MTPN: variants seen among roughly 807,000 people sequenced by gnomAD.
MTPN encodes myotrophin, also known as granule cell differentiation protein.
A neutral mutation model predicts 13.5 loss-of-function variants in MTPN; 2 were observed. The observed-to-expected ratio is 0.15, with a 90% CI of 0.06 to 0.47. The LOEUF (loss-of-function observed/expected upper bound fraction) is 0.47, where lower values mean the gene tolerates loss of function less well. Among genes scored for constraint, MTPN ranks in the 20% least tolerant of loss-of-function variants. MTPN has a pLI of 0.97. For synonymous variants in MTPN, 46 were observed against 51.7 expected, an observed-to-expected ratio of 0.89 and a Z score of 0.48; for missense variants, 79 against 137.9, an observed-to-expected ratio of 0.57 and a Z score of 2.14.
Position 135,977,149 on chromosome 7 carries a change from T to C in MTPN, c.-49A>G. 6.3e-7 allele frequency: 1 copy of C among 1,594,828 alleles called. No individual in the cohort carries two copies. Among genetic ancestry groups the C allele is most frequent in the Non-Finnish European group, 8.6e-7 (1 of 1,163,494 alleles). ...GGCCGGGCAGAAGATGAGGAGGCGGTGGCAGCAGCAAGCGGATGCCGCCGG... is the reference window on the plus strand; with the variant it reads ...GGCCGGGCAGAAGATGAGGAGGCGGCGGCAGCAGCAAGCGGATGCCGCCGG... On this transcript the variant is annotated 5_prime_UTR_variant, in exon 1 of 4. Transcript: ENST00000393085.
chr7:135,970,893 G>GA, intron 1 of MTPN, among the ~76,000 whole-genome samples: 1 of 151,958 alleles, frequency 6.6e-6, no homozygotes, highest in East Asian at 1.9e-4. Flanking sequence ...CCCTTCTGTA[G>GA]AAAGGGCAAC....
intron 1 of MTPN, among the ~76,000 whole-genome samples, chr7:135,975,896 A>G (rs1799766267): frequency 6.6e-6 from 1 of 152,236 alleles, no homozygotes; most frequent in South Asian, 2.1e-4. Context: ...TGCCTTGCAC[A>G]ATCCTGTAAG....
chr7:135,953,209 T>C (rs1799391392), intron 1 of MTPN, among the ~76,000 whole-genome samples: 1 of 152,218 alleles, frequency 6.6e-6, no homozygotes, highest in African/African-American at 2.4e-5. Flanking sequence ...AATTTAAGAT[T>C]TACTTTGTCT....
chr7:135,939,426 G>A lies in MTPN; in HGVS notation c.271-9414C>T, dbSNP rs76803300. The stretch of plus-strand genomic sequence containing the variant: ...CCTCTACTACAGAGGTTGAAAATAA[G>A]TGAAATCCTCAGACTCCCTTAAAGC... On this transcript the variant is annotated intron_variant, in intron 3 of 3. Coordinates refer to ENST00000393085, the MANE Select transcript of MTPN (RefSeq NM_145808.4). Among the ~76,000 whole-genome samples, 1,193 of 152,122 alleles carry A rather than the reference G, an allele frequency of 7.8e-3. 10 individuals are homozygous for A. The highest frequency in any genetic ancestry group is 0.028 in the African/African-American group (1,157 of 41,478).
chr7:135,958,549 G>C (rs1353287142), intron 1 of MTPN, among the ~76,000 whole-genome samples: 2 of 152,118 alleles, frequency 1.3e-5, no homozygotes, highest in Non-Finnish European at 2.9e-5. Context: ...TATCTCTAAT[G>C]AAAGGCAATT....
intron 1 of MTPN, among the ~76,000 whole-genome samples, chr7:135,966,312 C>T (rs1182125176): frequency 1.3e-5 from 2 of 152,056 alleles, no homozygotes; most frequent in Admixed American, 6.6e-5. Context: ...CCTTAGCCTA[C>T]CATTGGGCAA....
chr7:135,934,066 A>C (rs71539477), intron 3 of MTPN, among the ~76,000 whole-genome samples: 2,456 of 152,216 alleles, frequency 0.016, 32 homozygotes, highest in African/African-American at 0.037. Flanking sequence ...AGCGTGAGGA[A>C]CTGTGAGTGA....
At chr7:135,930,584 G>A (rs923437448) in intron 3 of MTPN, among the ~76,000 whole-genome samples, 1 of 152,122 alleles carries the variant, frequency 6.6e-6, no homozygotes, top group African/African-American at 2.4e-5. Context: ...TGCTCTGAAC[G>A]CTTAACTTGG....
Position 135,975,117 on chromosome 7 carries a change from C to T in MTPN, c.72+1912G>A, listed in dbSNP as rs1421880979. Among the ~76,000 whole-genome samples the T allele has an allele frequency of 9.2e-5, 14 of 152,062 alleles. No homozygotes were observed. The South Asian group carries it at 1.0e-3, about 11-fold the overall frequency. On this transcript the variant is annotated intron_variant, in intron 1 of 3. Transcript: ENST00000393085. Reference sequence around the variant, plus strand: ...TTTTACATTAATGAAGAACAGGCTACGGTAGTAATATAGGGAAAATAATCA... The same window carrying T: ...TTTTACATTAATGAAGAACAGGCTATGGTAGTAATATAGGGAAAATAATCA...
chr7:135,950,511 G>T, intron 3 of MTPN, 88 bp downstream of exon 3: 1 of 1,081,528 alleles, frequency 9.2e-7, no homozygotes, highest in Non-Finnish European at 1.4e-6. Flanking sequence ...TGTCCCTGCT[G>T]CCACACAAAA....
intron 3 of MTPN, among the ~76,000 whole-genome samples, chr7:135,948,624 G>A (rs1405108159): frequency 2.0e-5 from 3 of 152,090 alleles, no homozygotes; most frequent in Admixed American, 6.6e-5. Flanking sequence ...CTTTAACAAC[G>A]GAAACTTACA....
In MTPN at chr7:135,958,623, T is replaced by C. The variant is rs757597136; in HGVS notation, c.73-6993A>G. On this transcript the variant is annotated intron_variant, in intron 1 of 3. Transcript: ENST00000393085. ...TGGAAAATTCACTGTTTACTAGTTA[T>C]GGTTCTATCTCTTGCAGACACATGG... is the stretch of plus-strand genomic sequence containing the variant. Among the ~76,000 whole-genome samples the C allele has an allele frequency of 2.0e-4, 30 of 152,224 alleles. 1 individual carries two copies. The highest frequency in any genetic ancestry group is 1.5e-5 in the Non-Finnish European group (1 of 68,026).
In MTPN at chr7:135,927,953, G is replaced by A; in HGVS notation, c.*1973C>T. On this transcript the variant is annotated 3_prime_UTR_variant, in exon 4 of 4. Transcript: ENST00000393085. The stretch of plus-strand genomic sequence containing the variant: ...AAGTAAAGGTGAAAATTATATAAAG[G>A]GAAAAATTCAAGCCTTTAAATAGCA... The A allele has an allele frequency of 3.4e-6, 1 of 290,916 alleles. No homozygotes were observed. Among genetic ancestry groups the A allele is most frequent in the Non-Finnish European group, 7.1e-6 (1 of 141,632 alleles). The allele number at this position is 290,916 out of a possible 1,614,324, so 18.0% of individuals were successfully genotyped here.
chr7:135,937,823 G>C (rs1285008889), intron 3 of MTPN, among the ~76,000 whole-genome samples: 1 of 152,066 alleles, frequency 6.6e-6, no homozygotes, highest in East Asian at 1.9e-4. Context: ...TGAGGATAAA[G>C]GTCTTTATGG....
At chr7:135,956,125 T>G (rs1285471914) in intron 1 of MTPN, among the ~76,000 whole-genome samples, 4 of 152,052 alleles carry the variant, frequency 2.6e-5, no homozygotes, top group African/African-American at 9.7e-5. Context: ...GATCCCATGG[T>G]TAGGGGGGTG....
chr7:135,949,469 T>C (rs1235788134), intron 3 of MTPN, among the ~76,000 whole-genome samples: 3 of 150,912 alleles, frequency 2.0e-5, no homozygotes, highest in East Asian at 1.9e-4. Context: ...GCATCATTCT[T>C]ATCAGTAAGG....
intron 1 of MTPN, 90 bp from the exon 2 acceptor site, chr7:135,951,720 G>T: frequency 3.9e-6 from 3 of 764,460 alleles, no homozygotes; most frequent in Non-Finnish European, 6.2e-6. Context: ...CTTTCTTAAA[G>T]CCGTGAGAGT....
chr7:135,972,275 G>A (rs1799709941), intron 1 of MTPN, among the ~76,000 whole-genome samples: 1 of 150,342 alleles, frequency 6.7e-6, no homozygotes, highest in African/African-American at 2.5e-5. Flanking sequence ...TGTAGATTCA[G>A]ACAGTTCTGG....
intron 1 of MTPN, among the ~76,000 whole-genome samples, chr7:135,952,285 G>A (rs1799373818): frequency 6.6e-6 from 1 of 152,134 alleles, no homozygotes; most frequent in Admixed American, 6.5e-5. Context: ...AGGGCTTTCA[G>A]AAGAACATGA....
Sources: gnomAD v4.1 joint callset for allele counts (sites outside exome capture counted in the v4.1 genomes callset) on GRCh38, gnomAD v4.1.1 for gene constraint, MANE v1.5 for transcripts, NCBI Gene and HGNC (gene_info 2026-07-23, HGNC 2026-07-21) for gene names.